Variants in SYTL4 observed in about 807,000 individuals in gnomAD.
The protein encoded by SYTL4 is synaptotagmin like 4, also known as synaptotagmin-like protein 4.
SYTL4 carries 16 observed loss-of-function variants against 52.7 expected under a neutral mutation model. The observed-to-expected ratio is 0.30, with a 90% CI of 0.21 to 0.46. The LOEUF (loss-of-function observed/expected upper bound fraction) is 0.46, where lower values mean the gene tolerates loss of function less well. Ranked by LOEUF, SYTL4 falls within the 20% of genes least tolerant of loss-of-function variation. The pLI is 1.00. For missense variants in SYTL4, 423 were observed against 519.9 expected, an observed-to-expected ratio of 0.81 and a Z score of 1.81; for synonymous variants, 160 against 186.6, an observed-to-expected ratio of 0.86 and a Z score of 1.16.
intron 15 of SYTL4, 46 bp downstream of exon 15, chrX:100,686,633 C>T (rs1255642371): frequency 9.9e-7 from 1 of 1,014,985 alleles, no homozygotes; most frequent in East Asian, 3.1e-5. Context: ...CAGCTTAGGG[C>T]ACAAGACAGA....
At chrX:100,688,549 A>G in intron 12 of SYTL4, 106 bp from the exon 13 acceptor site, 2 of 536,617 alleles carry the variant, frequency 3.7e-6, no homozygotes, top group Non-Finnish European at 5.5e-6. Context: ...GTGTATGTGT[A>G]CGCACACATA....
intron 2 of SYTL4, among the ~76,000 whole-genome samples, chrX:100,724,489 G>A (rs1378170832): frequency 6.7e-5 from 7 of 104,970 alleles, no homozygotes; most frequent in East Asian, 3.1e-4. Flanking sequence ...TGTAGAAAGA[G>A]GTAGACATGG....
intron 13 of SYTL4, 26 bp from the exon 14 acceptor site, chrX:100,687,271 C>T (rs1569382251): frequency 8.4e-7 from 1 of 1,184,306 alleles, no homozygotes; most frequent in Middle Eastern, 2.4e-4. Context: ...CCACGAACAT[C>T]TGGGGAAGGC....
At chrX:100,693,406 G>T (rs1670615939) in intron 8 of SYTL4, among the ~76,000 whole-genome samples, 1 of 112,317 alleles carries the variant, frequency 8.9e-6, no homozygotes, top group African/African-American at 3.2e-5. Flanking sequence ...AGTCAAAAAC[G>T]CTAAGAATCA....
rs756483485 is a variant in SYTL4, at chrX:100,687,108, A to G, written c.1143T>C (p.His381=). The G allele has an allele frequency of 8.3e-7, 1 of 1,211,605 alleles. No homozygotes were observed. Among genetic ancestry groups the G allele is most frequent in the South Asian group, 1.8e-5 (1 of 56,975 alleles). ...TGGCTTCATCAGCATAGGCCAGCTG[A>G]TGGCACTCCTTCACATGGACAACCA... The part of the protein sequence containing the change: ...QSLVVHVKEC[H]QLAYADEAKK... Residue 381 remains histidine (H), a synonymous_variant, in exon 14 of 20, where the codon CAT becomes CAC. Transcript: ENST00000372989.
rs908150151 is a variant in SYTL4, at chrX:100,701,681, G to T, written c.111-8C>A. 1 of 1,203,869 alleles carries T rather than the reference G, an allele frequency of 8.3e-7. No homozygotes were observed. Among genetic ancestry groups the T allele is most frequent in the Non-Finnish European group, 1.1e-6 (1 of 888,576 alleles). ...AACTCATTCTTTAGTCGCCTGCCAA[G>T]ACCCAAAACAGAAGCGTAAGTGGAT... On this transcript the variant is annotated splice_polypyrimidine_tract_variant and splice_region_variant and intron_variant, in intron 5 of 19. Transcript: ENST00000372989.
chrX:100,690,710 T>TCCTTCC, intron 9 of SYTL4, 72 bp from the exon 10 acceptor site: 2 of 835,888 alleles, frequency 2.4e-6, no homozygotes, highest in Non-Finnish European at 3.4e-6. Flanking sequence ...ATCAAAGCTC[T>TCCTTCC]ATGGAAGGAG....
Position 100,693,356 on chromosome X carries a change from C to T in SYTL4, c.540-2147G>A, listed in dbSNP as rs749538183. On this transcript the variant is annotated intron_variant, in intron 8 of 19. Coordinates refer to ENST00000372989, the MANE Select transcript of SYTL4 (RefSeq NM_001370165.1). Reference sequence around the variant, plus strand: ...CTAATCTTCCCCCAAAACTGCTCTTCGCTCTGTCTCATCAAATGGCAATTC... The same window carrying T: ...CTAATCTTCCCCCAAAACTGCTCTTTGCTCTGTCTCATCAAATGGCAATTC... Among the ~76,000 whole-genome samples the T allele has an allele frequency of 9.7e-5, 11 of 113,009 alleles. No homozygotes were observed. In the South Asian group the frequency reaches 1.4e-3, roughly 15 times the overall value.
chrX:100,730,514 C>T (rs1032650915), intron 2 of SYTL4, among the ~76,000 whole-genome samples: 3 of 111,323 alleles, frequency 2.7e-5, no homozygotes, highest in Non-Finnish European at 5.7e-5. Context: ...ATGGTTATAA[C>T]TGTAGCACCT....
chrX:100,688,182 C>A, intron 13 of SYTL4, 169 bp downstream of exon 13: 1 of 418,796 alleles, frequency 2.4e-6, no homozygotes, highest in Non-Finnish European at 4.2e-6. Context: ...CCTAGATGTA[C>A]ACTAAGCACC....
intron 3 of SYTL4, among the ~76,000 whole-genome samples, chrX:100,703,779 T>A (rs2083903103): frequency 8.9e-6 from 1 of 112,237 alleles, no homozygotes. Context: ...ATGTGGTAGA[T>A]ACACACGTAC....
Position 100,686,688 on chromosome X carries a change from C to G in SYTL4, c.1278G>C (p.Glu426Asp), listed in dbSNP as rs753633649. 7.5e-6 allele frequency: 9 copies of G among 1,203,285 alleles called. No homozygotes were observed. The highest frequency in any genetic ancestry group is 9.0e-6 in the Non-Finnish European group (8 of 888,150). ...AGGTCTAGATACTTACCCTCAGCGT[C>G]TCATCATATAGTGGATTAATAGTGT... ...KRDTINPLYD[E>D]TLRYEIPESL... is the part of the protein sequence containing the mutation. The change falls in exon 15 of 20, where the codon GAG (glutamate) becomes GAC (aspartate). Residue 426 changes from glutamate (E) to aspartate (D), a missense_variant. Glu to Asp is a conservative substitution (Grantham distance 45). Coordinates refer to ENST00000372989, the MANE Select transcript of SYTL4 (RefSeq NM_001370165.1).
At chrX:100,717,270 T>G in intron 2 of SYTL4, among the ~76,000 whole-genome samples, 1 of 110,306 alleles carries the variant, frequency 9.1e-6, no homozygotes. Context: ...AAAAACATGG[T>G]AACCAAAGAA....
rs1418801595 is a variant in SYTL4, at chrX:100,675,522, A to C, written c.*506T>G. Reference sequence around the variant, plus strand: ...TTTATCCAGGTAGAAAATAAGTTAAAAGCATAAATTGGAGAGGAGAAAGAG... The same window carrying C: ...TTTATCCAGGTAGAAAATAAGTTAACAGCATAAATTGGAGAGGAGAAAGAG... On this transcript the variant is annotated 3_prime_UTR_variant, in exon 20 of 20. Transcript: ENST00000372989. The C allele has an allele frequency of 8.9e-6, 1 of 111,983 alleles. No individual in the cohort carries two copies. The highest frequency in any genetic ancestry group is 1.9e-5 in the Non-Finnish European group (1 of 53,281). 9.2% of individuals were successfully genotyped at this position (111,983 alleles called of 1,213,427 possible).
intron 3 of SYTL4, among the ~76,000 whole-genome samples, chrX:100,704,542 C>T (rs919341995): frequency 1.8e-5 from 2 of 112,357 alleles, no homozygotes; most frequent in African/African-American, 6.5e-5. Context: ...CAAGATTAAA[C>T]AACTGACTGG....
intron 6 of SYTL4, 36 bp from the exon 7 acceptor site, chrX:100,701,365 A>G (rs1484926575): frequency 1.7e-6 from 2 of 1,177,680 alleles, no homozygotes; most frequent in Admixed American, 2.2e-5. Flanking sequence ...AGATGGATAA[A>G]GAATGGTTCT....
intron 4 of SYTL4, among the ~76,000 whole-genome samples, chrX:100,702,841 G>A (rs953548123): frequency 9.0e-6 from 1 of 111,162 alleles, no homozygotes; most frequent in Admixed American, 9.6e-5. Flanking sequence ...GCTATCAGAG[G>A]GATTATAAGG....
intron 13 of SYTL4, chrX:100,687,652 T>TTAA (rs2083500431): frequency 7.8e-6 from 1 of 127,824 alleles, no homozygotes; most frequent in Non-Finnish European, 1.6e-5. Flanking sequence ...TATCTGTGGG[T>TTAA]TTCTCTTATC....
chrX:100,713,255 T>C (rs1418701553), intron 2 of SYTL4, among the ~76,000 whole-genome samples: 1 of 111,476 alleles, frequency 9.0e-6, no homozygotes. Context: ...AGCCAGCCGA[T>C]CAACATGGTG....
Sources: gnomAD v4.1 joint callset for allele counts (sites outside exome capture counted in the v4.1 genomes callset) on GRCh38, gnomAD v4.1.1 for gene constraint, MANE v1.5 for transcripts, NCBI Gene and HGNC (gene_info 2026-07-23, HGNC 2026-07-21) for gene names.